The following SEMA4D variants were observed in gnomAD, a reference collection of about 807,000 sequenced individuals.
SEMA4D encodes the protein semaphorin 4D.
In SEMA4D, 22 loss-of-function variants were observed where a neutral mutation model predicts 74.8. The observed-to-expected ratio is 0.29, with a 90% CI of 0.21 to 0.42. SEMA4D has a LOEUF of 0.42. SEMA4D is among the 10% of genes least tolerant of loss of function. SEMA4D has a pLI of 1.00. For missense variants in SEMA4D, 937 were observed against 1,118.4 expected (o/e 0.84, Z 2.31); for synonymous variants, 445 against 463.7 (o/e 0.96, Z 0.52).
intron 9 of SEMA4D, among the ~76,000 whole-genome samples, chr9:89,389,973 T>TA (rs1839449362): frequency 6.6e-6 from 1 of 152,092 alleles, no homozygotes; most frequent in African/African-American, 2.4e-5. Flanking sequence ...CAAACCACCC[T>TA]AGTCCAGGAG....
intron 1 of SEMA4D, among the ~76,000 whole-genome samples, chr9:89,485,788 C>CAAAAAAAAAAAAAAAAAAAAAAA (rs56056536): frequency 5.2e-5 from 4 of 76,840 alleles, no homozygotes; most frequent in South Asian, 6.2e-4. Flanking sequence ...AACTCCATCT[C>CAAAAAAAAAAAAAAAAAAAAAAA]AAAAAAAAAA....
At chr9:89,425,455 T>A (rs1847900661) in intron 2 of SEMA4D, among the ~76,000 whole-genome samples, 1 of 152,136 alleles carries the variant, frequency 6.6e-6, no homozygotes, top group Non-Finnish European at 1.5e-5. Flanking sequence ...TCTGCGAGGG[T>A]CAGGCTGTGA....
chr9:89,467,888 CA>C (rs1208052025), intron 1 of SEMA4D, among the ~76,000 whole-genome samples: 1 of 152,196 alleles, frequency 6.6e-6, no homozygotes, highest in African/African-American at 2.4e-5. Flanking sequence ...GGAGAGCTGG[CA>C]GTGGCATGTC....
intron 8 of SEMA4D, among the ~76,000 whole-genome samples, chr9:89,392,134 GTTTACCA>G (rs1169223674): frequency 6.6e-6 from 1 of 152,224 alleles, no homozygotes; most frequent in Admixed American, 6.5e-5. Context: ...ATTAGTCTTA[GTTTACCA>G]TCTACTATCA....
chr9:89,398,300 C>T (rs899517066), intron 5 of SEMA4D, among the ~76,000 whole-genome samples: 14 of 152,152 alleles, frequency 9.2e-5, no homozygotes, highest in African/African-American at 3.1e-4. Context: ...GACTTGACTT[C>T]AGAGGGATGG....
At chr9:89,376,629 G>T, downstream of SEMA4D, 1 of 694,788 alleles carries the variant, frequency 1.4e-6, no homozygotes, top group Non-Finnish European at 2.3e-6. Context: ...CTGTACACTA[G>T]AAGTGGCTTC....
In SEMA4D at chr9:89,369,485, AG is replaced by A. The variant is rs1203475772; in HGVS notation, c.1883-5536del. 2.0e-5 allele frequency: 3 copies of A among 152,384 alleles called. No individual in the cohort carries two copies. The East Asian group carries it at 5.8e-4, about 29-fold the overall frequency. The allele number at this position is 152,384 out of a possible 1,614,324, so 9.4% of individuals were successfully genotyped here. ...GCAGAGGTGAAGGCAGGGCCCTGAC[AG>A]GGTAAAGACTGCACTTTGGTTAAAA... On this transcript the variant is annotated intron_variant, in intron 16 of 18. Transcript: ENST00000339861.
At chr9:89,460,644 G>C (rs1856987111) in intron 1 of SEMA4D, among the ~76,000 whole-genome samples, 1 of 152,214 alleles carries the variant, frequency 6.6e-6, no homozygotes, top group African/African-American at 2.4e-5. Context: ...GACGGCTCAA[G>C]AATATGTCAG....
At chr9:89,384,980 T>C in intron 13 of SEMA4D, 1 of 985,416 alleles carries the variant, frequency 1.0e-6, no homozygotes. Flanking sequence ...TCCCCACGAA[T>C]GGAGGCTCCT....
chr9:89,456,640 G>C (rs965999304), intron 1 of SEMA4D, among the ~76,000 whole-genome samples: 1 of 152,166 alleles, frequency 6.6e-6, no homozygotes, highest in African/African-American at 2.4e-5. Flanking sequence ...GAGCGCAGCG[G>C]CACGATCTCA....
At chr9:89,392,630 TA>T (rs755378124) in intron 7 of SEMA4D, 94 bp from the exon 8 acceptor site, 15 of 789,884 alleles carry the variant, frequency 1.9e-5, no homozygotes, top group Non-Finnish European at 3.3e-5. Flanking sequence ...TGTTTTCCTT[TA>T]TAACCCAATT....
chr9:89,417,406 G>C (rs895755951), intron 2 of SEMA4D, among the ~76,000 whole-genome samples: 4 of 152,182 alleles, frequency 2.6e-5, no homozygotes, highest in African/African-American at 7.2e-5. Flanking sequence ...ACGGTCCCAT[G>C]CATAGGAACC....
chr9:89,436,058 C>CA (rs1224742278), intron 2 of SEMA4D, among the ~76,000 whole-genome samples: 2 of 152,076 alleles, frequency 1.3e-5, no homozygotes, highest in African/African-American at 2.4e-5. Context: ...ACGGACATCT[C>CA]AGACAACATC....
At chr9:89,398,955 A>C (rs1841602409) in intron 5 of SEMA4D, among the ~76,000 whole-genome samples, 3 of 152,250 alleles carry the variant, frequency 2.0e-5, no homozygotes, top group Admixed American at 2.0e-4. Context: ...TTTCTGCACT[A>C]TTCACCAGTG....
At chr9:89,370,009 G>C (rs1430944333) in intron 16 of SEMA4D, among the ~76,000 whole-genome samples, 1 of 151,844 alleles carries the variant, frequency 6.6e-6, no homozygotes, top group Non-Finnish European at 1.5e-5. Context: ...TATGATTGGT[G>C]TGTGTGTGAT....
At chr9:89,453,970 GC>G (rs1281325096) in intron 2 of SEMA4D, among the ~76,000 whole-genome samples, 5 of 150,314 alleles carry the variant, frequency 3.3e-5, no homozygotes, top group Admixed American at 2.0e-4. Context: ...CCATTCTCCT[GC>G]CTCAGCCTCC....
At chr9:89,469,748 A>G (rs982264183) in intron 1 of SEMA4D, among the ~76,000 whole-genome samples, 2 of 152,232 alleles carry the variant, frequency 1.3e-5, no homozygotes, top group African/African-American at 4.8e-5. Flanking sequence ...TAAACCTAGA[A>G]GGGAACTCTC....
downstream of SEMA4D, among the ~76,000 whole-genome samples, chr9:89,374,563 C>G (rs1478301597): frequency 6.6e-6 from 1 of 152,172 alleles, no homozygotes; most frequent in East Asian, 1.9e-4. Context: ...TCCCACTGTT[C>G]CCAGCCCTTC....
chr9:89,362,022 G>A (rs1371154708), exon 19 of SEMA4D: 3 of 359,930 alleles, frequency 8.3e-6, no homozygotes, highest in South Asian at 4.0e-5. Flanking sequence ...TCACTGGGAC[G>A]GTGTAGGATC....
Sources: gnomAD v4.1 joint callset for allele counts (sites outside exome capture counted in the v4.1 genomes callset) on GRCh38, gnomAD v4.1.1 for gene constraint, MANE v1.5 for transcripts, NCBI Gene and HGNC (gene_info 2026-07-23, HGNC 2026-07-21) for gene names.